ANKRD11: variants seen among roughly 807,000 people sequenced by gnomAD.
ANKRD11 encodes the protein ankyrin repeat domain 11.
Under a neutral mutation model 195.7 loss-of-function variants are expected in ANKRD11, and 17 were observed. The ratio of observed to expected loss-of-function variants is 0.09; its 90% CI spans 0.06 to 0.13. The LOEUF is 0.13. Ranked by LOEUF, ANKRD11 falls within the 10% of genes least tolerant of loss-of-function variation. The pLI is 1.00. For missense variants in ANKRD11, 3,735 were observed against 3,566.1 expected (o/e 1.05, Z -1.21); for synonymous variants, 1,953 against 1,528.1 (o/e 1.28, Z -6.49).
At chr16:89,302,246 T>TG (rs2035902118) in intron 4 of ANKRD11, among the ~76,000 whole-genome samples, 1 of 152,186 alleles carries the variant, frequency 6.6e-6, no homozygotes, top group African/African-American at 2.4e-5. Context: ...GCACTGGAGT[T>TG]GGACTCGCTA....
chr16:89,349,000 C>T (rs1464874767), intron 2 of ANKRD11, among the ~76,000 whole-genome samples: 1 of 150,938 alleles, frequency 6.6e-6, no homozygotes, highest in Non-Finnish European at 1.5e-5. Flanking sequence ...TAGTAGAGCG[C>T]ACTTGTAATC....
At chr16:89,478,588 G>A (rs757239935) in intron 1 of ANKRD11, among the ~76,000 whole-genome samples, 5 of 152,104 alleles carry the variant, frequency 3.3e-5, no homozygotes, top group Non-Finnish European at 5.9e-5. Flanking sequence ...TGTCCCTTTC[G>A]TCCCCGCTGC....
chr16:89,336,228 G>A (rs2038345774), intron 2 of ANKRD11, among the ~76,000 whole-genome samples: 1 of 152,230 alleles, frequency 6.6e-6, no homozygotes, highest in South Asian at 2.1e-4. Context: ...GAGGGGTTCA[G>A]GCAAGAGCCA....
At chr16:89,290,935 G>C in intron 5 of ANKRD11, 78 bp downstream of exon 5, 1 of 1,609,894 alleles carries the variant, frequency 6.2e-7, no homozygotes, top group South Asian at 1.1e-5. Context: ...CACAGGGCTT[G>C]TCCTCAGCAC....
At chr16:89,461,741 T>A (rs183574197) in intron 1 of ANKRD11, among the ~76,000 whole-genome samples, 5 of 152,336 alleles carry the variant, frequency 3.3e-5, no homozygotes, top group Admixed American at 3.3e-4. Flanking sequence ...CTGAACTTCA[T>A]CTTCTAAATA....
chr16:89,291,312 C>CT lies in ANKRD11; in HGVS notation c.227-130dup, dbSNP rs1309227937. On this transcript the variant is annotated intron_variant, in intron 4 of 12. Transcript: ENST00000301030. This position sits in a 1 kb window ranked among gnomAD's most constrained non-coding sequence, Gnocchi z 5.3. Reference sequence around the variant, plus strand: ...CAGCTGACAGAGCAGAAAGGAAGGTCTGTGTATGGGGAAAGCACAGCGGTG... The same window carrying CT: ...CAGCTGACAGAGCAGAAAGGAAGGTCTTGTGTATGGGGAAAGCACAGCGGTG... The CT allele has an allele frequency of 1.7e-6, 2 of 1,210,606 alleles. No individual in the cohort carries two copies. The highest frequency in any genetic ancestry group is 3.0e-5 in the African/African-American group (2 of 66,430). 75.0% of individuals were successfully genotyped at this position (1,210,606 alleles called of 1,614,324 possible).
chr16:89,389,949 G>C (rs2930222), intron 2 of ANKRD11, among the ~76,000 whole-genome samples: 4 of 80,860 alleles, frequency 4.9e-5, no homozygotes, highest in African/African-American at 1.1e-4. Flanking sequence ...GGAGCACCGA[G>C]AGAGAAGATC....
intron 2 of ANKRD11, among the ~76,000 whole-genome samples, chr16:89,375,317 G>A (rs563919430): frequency 5.9e-5 from 9 of 152,198 alleles, no homozygotes; most frequent in African/African-American, 1.2e-4. Context: ...AGCTAGTTGC[G>A]GTAGCATGGG....
chr16:89,478,152 T>C (rs979435549), intron 1 of ANKRD11, among the ~76,000 whole-genome samples: 4 of 152,176 alleles, frequency 2.6e-5, no homozygotes, highest in African/African-American at 9.7e-5. Context: ...CCCAACGTTG[T>C]TGTCAGGGCA....
intron 1 of ANKRD11, among the ~76,000 whole-genome samples, chr16:89,452,252 T>C (rs1449306113): frequency 1.3e-5 from 2 of 152,018 alleles, no homozygotes; most frequent in African/African-American, 4.8e-5. Context: ...AGTGAGACTC[T>C]GTCTCAAAAT....
intron 3 of ANKRD11, among the ~76,000 whole-genome samples, chr16:89,314,711 T>G (rs971364898): frequency 6.6e-6 from 1 of 152,194 alleles, no homozygotes; most frequent in African/African-American, 2.4e-5. Flanking sequence ...CACTGCTTAC[T>G]GATCTTCATC....
At chr16:89,428,126 T>G (rs945133662) in intron 1 of ANKRD11, among the ~76,000 whole-genome samples, 3 of 151,888 alleles carry the variant, frequency 2.0e-5, no homozygotes, top group Non-Finnish European at 4.4e-5. Context: ...GAGAATCACT[T>G]GAACCCAGGA....
intron 2 of ANKRD11, among the ~76,000 whole-genome samples, chr16:89,347,071 G>A (rs1162479590): frequency 1.3e-5 from 2 of 152,150 alleles, no homozygotes; most frequent in Non-Finnish European, 2.9e-5. Context: ...CCAGCTAAAG[G>A]GGGTGACTGA....
At chr16:89,412,731 C>G (rs542958040) in intron 2 of ANKRD11, among the ~76,000 whole-genome samples, 1 of 152,054 alleles carries the variant, frequency 6.6e-6, no homozygotes, top group Admixed American at 6.5e-5. Flanking sequence ...CTTAAGCCAG[C>G]TGTAAAAAAT....
In ANKRD11 at chr16:89,421,175, G is replaced by A. The variant is rs1238040948; in HGVS notation, c.-144-2807C>T. Among the ~76,000 whole-genome samples, 16 of 140,196 alleles carry A rather than the reference G, an allele frequency of 1.1e-4. 1 individual carries two copies. The highest frequency in any genetic ancestry group is 9.1e-4 in the Admixed American group (13 of 14,254). 92.0% of individuals were successfully genotyped at this position (140,196 alleles called of 152,430 possible). A position where few individuals can be genotyped will look rare whatever the true frequency, so the allele number is the denominator to read the frequency against. On this transcript the variant is annotated intron_variant, in intron 1 of 12. Transcript: ENST00000301030. The stretch of plus-strand genomic sequence containing the variant: ...GGAGTCAGGGATGGGACCATCACCC[G>A]TCCATGTCTGGGGGTGGGGGTGAGA...
chr16:89,342,197 A>G (rs777991881), intron 2 of ANKRD11, among the ~76,000 whole-genome samples: 4 of 152,256 alleles, frequency 2.6e-5, no homozygotes, highest in African/African-American at 7.2e-5. Flanking sequence ...ACTGACAGGT[A>G]GGTCTCCACC....
chr16:89,444,583 T>C (rs931850095), intron 1 of ANKRD11, among the ~76,000 whole-genome samples: 1 of 152,036 alleles, frequency 6.6e-6, no homozygotes, highest in Admixed American at 6.6e-5. Flanking sequence ...CACTGTTTCT[T>C]CTCCAAAAGC....
chr16:89,320,026 A>C (rs1166673711), intron 2 of ANKRD11: 2 of 152,286 alleles, frequency 1.3e-5, no homozygotes, highest in African/African-American at 4.8e-5. Context: ...ACCGTTACTC[A>C]GCCGTGTCAG....
At chr16:89,460,419 C>T (rs1484534935) in intron 1 of ANKRD11, among the ~76,000 whole-genome samples, 2 of 151,918 alleles carry the variant, frequency 1.3e-5, no homozygotes, top group Non-Finnish European at 1.5e-5. Flanking sequence ...ATTAGCCGGG[C>T]GTGGTGCCAG....
Sources: allele counts gnomAD v4.1 joint callset (sites outside exome capture counted in the v4.1 genomes callset), GRCh38; gene constraint gnomAD v4.1.1; non-coding constraint Gnocchi (gnomAD v3.1); transcripts MANE v1.5; gene names NCBI Gene and HGNC (gene_info 2026-07-23, HGNC 2026-07-21).